Variants in COX7B2 observed in about 807,000 individuals in gnomAD.
COX7B2 encodes cytochrome c oxidase subunit 7B2, mitochondrial.
For synonymous variants in COX7B2, 37 were observed against 32.1 expected, an observed-to-expected ratio of 1.15 and a Z score of -0.51; for missense variants, 109 against 95.9, an observed-to-expected ratio of 1.14 and a Z score of -0.57.
chr4:46,866,016 T>C (rs1258011606), intron 1 of COX7B2, among the ~76,000 whole-genome samples: 2 of 152,310 alleles, frequency 1.3e-5, no homozygotes, highest in Non-Finnish European at 2.9e-5. Context: ...AATGACACTA[T>C]CTTTTGCATC....
chr4:46,822,675 G>A (rs1714386670), intron 2 of COX7B2, among the ~76,000 whole-genome samples: 1 of 151,938 alleles, frequency 6.6e-6, no homozygotes, highest in African/African-American at 2.4e-5. Context: ...AGATTTCAAA[G>A]AACAGATACC....
intron 1 of COX7B2, among the ~76,000 whole-genome samples, chr4:46,878,668 C>G (rs561535058): frequency 6.6e-6 from 1 of 152,116 alleles, no homozygotes; most frequent in Non-Finnish European, 1.5e-5. Flanking sequence ...AGGAACCACT[C>G]AGTTTCCTAT....
chr4:46,827,667 GA>G (rs1444624197), intron 2 of COX7B2, among the ~76,000 whole-genome samples: 3 of 152,024 alleles, frequency 2.0e-5, no homozygotes, highest in African/African-American at 4.8e-5. Context: ...TGAAAGGACT[GA>G]AAAAAAGTGA....
rs761904309 is a variant in COX7B2 at position 46,905,814 on chromosome 4, CTTTTTTT to C, written c.-105+3339_-105+3345del. 5.6e-5 allele frequency among the ~76,000 whole-genome samples: 4 copies of C among 71,690 alleles called. No individual in the cohort carries two copies. In the East Asian group the frequency reaches 1.4e-3, roughly 26 times the overall value. The allele number at this position is 71,690 out of a possible 152,430, so 47.0% of individuals were successfully genotyped here. A position where few individuals can be genotyped will look rare whatever the true frequency, so the allele number is the denominator to read the frequency against. ...TACCATCTCTGATAAGCATATATTT[CTTTTTTT>C]TTTTTTTTTTTTTTTTTTTGAGACG... On this transcript the variant is annotated intron_variant, in intron 1 of 2. Transcript: ENST00000355591.
chr4:46,743,423 A>C (rs999415106), intron 2 of COX7B2, among the ~76,000 whole-genome samples: 2 of 152,222 alleles, frequency 1.3e-5, no homozygotes, highest in African/African-American at 2.4e-5. Context: ...ACTGGAATGT[A>C]GGAATGTATT....
Position 46,909,195 on chromosome 4 carries a change from C to G in COX7B2, c.-140G>C, listed in dbSNP as rs550622637. 6.6e-6 allele frequency: 1 copy of G among 152,064 alleles called. No individual in the cohort carries two copies. The highest frequency in any genetic ancestry group is 1.5e-5 in the Non-Finnish European group (1 of 68,030). 9.4% of individuals were successfully genotyped at this position (152,064 alleles called of 1,614,324 possible). ...ACAGGTAACAGGCAAAAAAAGACGG[C>G]GCAGAGGCAAATTCCGAACCTTTCC... On this transcript the variant is annotated 5_prime_UTR_variant, in exon 1 of 3. Transcript: ENST00000355591.
At chr4:46,889,887 C>A (rs1394091786) in intron 1 of COX7B2, among the ~76,000 whole-genome samples, 3 of 147,966 alleles carry the variant, frequency 2.0e-5, no homozygotes, top group Non-Finnish European at 4.5e-5. Flanking sequence ...TACTTTTCTG[C>A]ATTTCAGTAT....
At chr4:46,905,584 C>T (rs1172415555) in intron 1 of COX7B2, among the ~76,000 whole-genome samples, 1 of 152,112 alleles carries the variant, frequency 6.6e-6, no homozygotes. Flanking sequence ...ATACTGTTGC[C>T]TCTCTCAGAG....
chr4:46,773,975 A>T (rs1717022152), intron 2 of COX7B2, among the ~76,000 whole-genome samples: 1 of 152,086 alleles, frequency 6.6e-6, no homozygotes, highest in African/African-American at 2.4e-5. Flanking sequence ...CATTCTCTTT[A>T]GGCTGACCTG....
chr4:46,843,252 G>C (rs1231920057), intron 2 of COX7B2, among the ~76,000 whole-genome samples: 2 of 151,916 alleles, frequency 1.3e-5, no homozygotes, highest in Non-Finnish European at 2.9e-5. Flanking sequence ...CAATAATAGA[G>C]AAATAATAAT....
intron 1 of COX7B2, among the ~76,000 whole-genome samples, chr4:46,856,304 T>C (rs757081433): frequency 6.6e-6 from 1 of 152,166 alleles, no homozygotes; most frequent in Non-Finnish European, 1.5e-5. Context: ...CCAGTGAAGA[T>C]TGAGAACCAG....
chr4:46,888,593 A>G lies in COX7B2; in HGVS notation c.-105+20567T>C, dbSNP rs960048860. On this transcript the variant is annotated intron_variant, in intron 1 of 2. Coordinates refer to ENST00000355591, the MANE Select transcript of COX7B2 (RefSeq NM_130902.3). ...TGAGTAGCTGGGACTACAGGCGCCC[A>G]CCACCATGCCTGGCTAATTTTTTTG... 5.3e-5 allele frequency among the ~76,000 whole-genome samples: 8 copies of G among 151,730 alleles called. 2 individuals are homozygous for G. The highest frequency in any genetic ancestry group is 1.3e-4 in the Admixed American group (2 of 15,230).
chr4:46,833,595 G>T (rs58750266), intron 2 of COX7B2, among the ~76,000 whole-genome samples: 4,941 of 152,262 alleles, frequency 0.032, 274 homozygotes, highest in African/African-American at 0.11. Flanking sequence ...TGTTTTAAGA[G>T]AGCAGAGGCA....
At chr4:46,828,264 TGAAAAACAAAAAA>T (rs1714829666) in intron 2 of COX7B2, among the ~76,000 whole-genome samples, 1 of 151,998 alleles carries the variant, frequency 6.6e-6, no homozygotes, top group African/African-American at 2.4e-5. Context: ...AAGGAACTTC[TGAAAAACAAAAAA>T]GAAAAACAGA....
chr4:46,786,185 T>TA (rs1225035666), intron 2 of COX7B2, among the ~76,000 whole-genome samples: 1 of 152,214 alleles, frequency 6.6e-6, no homozygotes, highest in Non-Finnish European at 1.5e-5. Context: ...TAACCACTGG[T>TA]AAAATATTGG....
intron 1 of COX7B2, among the ~76,000 whole-genome samples, chr4:46,895,589 A>C (rs1334911287): frequency 2.0e-5 from 3 of 152,190 alleles, no homozygotes; most frequent in Admixed American, 6.5e-5. Context: ...ACAAATCCGC[A>C]TGACGCTAGT....
chr4:46,797,936 A>G (rs1297540892), intron 2 of COX7B2, among the ~76,000 whole-genome samples: 1 of 152,202 alleles, frequency 6.6e-6, no homozygotes, highest in African/African-American at 2.4e-5. Context: ...CAAGGCAACA[A>G]TATAACTTCA....
At chr4:46,828,950 T>C (rs935809300) in intron 2 of COX7B2, among the ~76,000 whole-genome samples, 2 of 152,192 alleles carry the variant, frequency 1.3e-5, no homozygotes, top group Non-Finnish European at 2.9e-5. Context: ...TGTATTTCTC[T>C]ACATTCATGA....
chr4:46,839,744 A>G (rs1715801746), intron 2 of COX7B2, among the ~76,000 whole-genome samples: 1 of 152,046 alleles, frequency 6.6e-6, no homozygotes, highest in Non-Finnish European at 1.5e-5. Context: ...TGCTTATTGC[A>G]ATTAATTTTA....
Sources: gnomAD v4.1 joint callset for allele counts (sites outside exome capture counted in the v4.1 genomes callset) on GRCh38, gnomAD v4.1.1 for gene constraint, MANE v1.5 for transcripts, NCBI Gene and HGNC (gene_info 2026-07-23, HGNC 2026-07-21) for gene names.